SMIM31: variants seen among roughly 807,000 people sequenced by gnomAD.
SMIM31 encodes small integral membrane protein 31.
intron 2 of SMIM31, among the ~76,000 whole-genome samples, chr4:164,777,893 T>C (rs985414193): frequency 1.3e-5 from 2 of 152,242 alleles, no homozygotes; most frequent in African/African-American, 4.8e-5. Flanking sequence ...AGAATTCATT[T>C]AGATATTACA....
chr4:164,778,575 C>A (rs1389821730), intron 2 of SMIM31, among the ~76,000 whole-genome samples: 1 of 152,188 alleles, frequency 6.6e-6, no homozygotes, highest in Non-Finnish European at 1.5e-5. Flanking sequence ...TGTTCACTGT[C>A]TGCCAAGCAC....
chr4:164,780,293 G>A (rs1218714386), intron 2 of SMIM31, among the ~76,000 whole-genome samples: 6 of 152,220 alleles, frequency 3.9e-5, no homozygotes, highest in Admixed American at 2.6e-4. Flanking sequence ...CAGGCGTGGT[G>A]GCGCATGCCT....
chr4:164,772,194 T>C (rs1390220675), intron 2 of SMIM31, among the ~76,000 whole-genome samples: 1 of 152,112 alleles, frequency 6.6e-6, no homozygotes, highest in Non-Finnish European at 1.5e-5. Flanking sequence ...AAAGGGGTAG[T>C]GAGGCATCTC....
intron 2 of SMIM31, among the ~76,000 whole-genome samples, chr4:164,782,146 C>T (rs987985635): frequency 4.6e-5 from 7 of 151,654 alleles, no homozygotes; most frequent in East Asian, 2.0e-4. Context: ...CAGAATTAGT[C>T]GGGGGTGGTG....
At chr4:164,791,470 C>T (rs1388944438) in intron 2 of SMIM31, among the ~76,000 whole-genome samples, 1 of 152,110 alleles carries the variant, frequency 6.6e-6, no homozygotes, top group Non-Finnish European at 1.5e-5. Flanking sequence ...GTAGCTGGGA[C>T]TACTGGCACA....
chr4:164,781,313 G>A (rs1258658422), intron 2 of SMIM31, among the ~76,000 whole-genome samples: 1 of 152,102 alleles, frequency 6.6e-6, no homozygotes, highest in Non-Finnish European at 1.5e-5. Context: ...CCTACTCCCA[G>A]TACTTACCTT....
chr4:164,781,824 G>A (rs943651323), intron 2 of SMIM31, among the ~76,000 whole-genome samples: 7 of 152,282 alleles, frequency 4.6e-5, no homozygotes, highest in East Asian at 1.9e-4. Context: ...AGGCCAAACC[G>A]CAGAAACAGA....
At chr4:164,799,757 C>T (rs1032093415) in intron 2 of SMIM31, among the ~76,000 whole-genome samples, 6 of 152,216 alleles carry the variant, frequency 3.9e-5, no homozygotes, top group Non-Finnish European at 8.8e-5. Context: ...CATCACAAAA[C>T]GCAGTGATCT....
intron 2 of SMIM31, among the ~76,000 whole-genome samples, chr4:164,782,010 G>A (rs1339905125): frequency 6.6e-6 from 1 of 152,102 alleles, no homozygotes; most frequent in Non-Finnish European, 1.5e-5. Flanking sequence ...TGAATTTTGG[G>A]CCGGGCATGG....
intron 1 of SMIM31, among the ~76,000 whole-genome samples, chr4:164,768,735 G>C (rs180727267): frequency 6.6e-6 from 1 of 152,140 alleles, no homozygotes; most frequent in African/African-American, 2.4e-5. Flanking sequence ...AAATTTTTCT[G>C]TTTTTATTTT....
chr4:164,759,641 T>C (rs1207330218), intron 1 of SMIM31, among the ~76,000 whole-genome samples: 1 of 152,230 alleles, frequency 6.6e-6, no homozygotes, highest in Non-Finnish European at 1.5e-5. Context: ...CAAATCTGTA[T>C]CCACTTCATT....
intron 1 of SMIM31, among the ~76,000 whole-genome samples, chr4:164,760,819 G>A (rs891981443): frequency 4.6e-5 from 7 of 151,576 alleles, no homozygotes; most frequent in Non-Finnish European, 7.4e-5. Flanking sequence ...AGAAAGATAG[G>A]AGTCAAGGAT....
intron 1 of SMIM31, among the ~76,000 whole-genome samples, chr4:164,756,182 T>A (rs1732558233): frequency 6.6e-6 from 1 of 152,194 alleles, no homozygotes; most frequent in African/African-American, 2.4e-5. Flanking sequence ...GATATGTACA[T>A]CTATGTAATC....
At chr4:164,768,240 AAAAAAAAAG>A (rs199799593) in intron 1 of SMIM31, among the ~76,000 whole-genome samples, 68,728 of 148,996 alleles carry the variant, frequency 0.46, 16,761 homozygotes, top group Admixed American at 0.55. Context: ...TGTCACAAAA[AAAAAAAAAG>A]AAAAGAAAAG....
At chr4:164,801,016 T>C in intron 2 of SMIM31, 75 bp from the exon 3 acceptor site, 1 of 396,734 alleles carries the variant, frequency 2.5e-6, no homozygotes, top group Non-Finnish European at 4.4e-6. Context: ...CAAGTCTTCT[T>C]ATAACCGAAG....
chr4:164,770,485 A>G lies in SMIM31; in HGVS notation c.42A>G (p.Leu14=), dbSNP rs1732785927. 2.5e-6 allele frequency: 1 copy of G among 398,964 alleles called. No individual in the cohort carries two copies. Among genetic ancestry groups the G allele is most frequent in the Non-Finnish European group, 4.4e-6 (1 of 226,028 alleles). The allele number at this position is 398,964 out of a possible 1,614,324, so 24.7% of individuals were successfully genotyped here. A position where few individuals can be genotyped will look rare whatever the true frequency, so the allele number is the denominator to read the frequency against. ...CCAACTTGGAAATGGCATTCATTTT[A>G]TTGGCTTTTGTTATCTTTTCCTTAT... The part of the protein sequence containing the change: ...PYTNLEMAFI[L]LAFVIFSLFT... Residue 14 remains leucine, a synonymous_variant, in exon 2 of 3, where the codon TTA becomes TTG. Transcript: ENST00000507311.
chr4:164,763,397 T>G (rs1310648202), intron 1 of SMIM31, among the ~76,000 whole-genome samples: 1 of 152,150 alleles, frequency 6.6e-6, no homozygotes, highest in African/African-American at 2.4e-5. Context: ...AAAGTGTACA[T>G]CAGGAAGGAT....
intron 1 of SMIM31, among the ~76,000 whole-genome samples, chr4:164,759,915 A>G (rs1003508433): frequency 6.6e-6 from 1 of 152,214 alleles, no homozygotes; most frequent in African/African-American, 2.4e-5. Flanking sequence ...GGGAGTTCCA[A>G]CTTTTAATAT....
chr4:164,792,238 C>G (rs1035133586), intron 2 of SMIM31, among the ~76,000 whole-genome samples: 2 of 152,142 alleles, frequency 1.3e-5, no homozygotes, highest in African/African-American at 4.8e-5. Flanking sequence ...TAACCTTTTT[C>G]AAAGCGGTTT....
Sources: allele counts gnomAD v4.1 joint callset (sites outside exome capture counted in the v4.1 genomes callset), GRCh38; gene constraint gnomAD v4.1.1; transcripts MANE v1.5; gene names NCBI Gene and HGNC (gene_info 2026-07-23, HGNC 2026-07-21).